ARHGEF10: variants seen among roughly 807,000 people sequenced by gnomAD.
The protein encoded by ARHGEF10 is Rho guanine nucleotide exchange factor 10.
A neutral mutation model predicts 147.4 loss-of-function variants in ARHGEF10; 140 were observed. That is an observed-to-expected ratio of 0.95 (90% CI 0.83 to 1.09). ARHGEF10 has a LOEUF of 1.09. ARHGEF10 is among the 50% of genes least tolerant of loss of function. The pLI is 0.00. For synonymous variants in ARHGEF10, 902 were observed against 695.8 expected, an observed-to-expected ratio of 1.30 and a Z score of -4.67; for missense variants, 2,222 against 1,752.7, an observed-to-expected ratio of 1.27 and a Z score of -4.78.
intron 3 of ARHGEF10, among the ~76,000 whole-genome samples, chr8:1,858,328 G>T (rs1200443605): frequency 6.6e-6 from 1 of 151,958 alleles, no homozygotes; most frequent in African/African-American, 2.4e-5. Context: ...CGGACTCGCC[G>T]ATTTTCTCCC....
intron 25 of ARHGEF10, among the ~76,000 whole-genome samples, chr8:1,931,369 C>A (rs1340598606): frequency 6.6e-6 from 1 of 151,806 alleles, no homozygotes; most frequent in African/African-American, 2.4e-5. Flanking sequence ...CCCCTTTTTT[C>A]CCCTGGGTTT....
In ARHGEF10 at chr8:1,866,440, C is replaced by G. The variant is rs189493344; in HGVS notation, c.546-86C>G. 5,147 of 1,045,414 alleles carry G rather than the reference C, an allele frequency of 4.9e-3. 161 individuals are homozygous for G. The East Asian group carries it at 0.07, about 14-fold the overall frequency. 64.8% of individuals were successfully genotyped at this position (1,045,414 alleles called of 1,614,324 possible). On this transcript the variant is annotated intron_variant, in intron 5 of 28. Coordinates refer to ENST00000349830, the MANE Select transcript of ARHGEF10 (RefSeq NM_014629.4). ...ATATTCTGACACACACACACACACA[C>G]ACACACACACTCTGCAGGGCAGTTG...
At chr8:1,872,168 A>G (rs944387892) in intron 7 of ARHGEF10, among the ~76,000 whole-genome samples, 1 of 152,236 alleles carries the variant, frequency 6.6e-6, no homozygotes, top group Non-Finnish European at 1.5e-5. Flanking sequence ...ATAACTTTTT[A>G]TCAAAAAGTT....
At chr8:1,849,976 G>A (rs1466861437) in intron 2 of ARHGEF10, among the ~76,000 whole-genome samples, 11 of 75,264 alleles carry the variant, frequency 1.5e-4, no homozygotes, top group Non-Finnish European at 2.6e-4. Flanking sequence ...GGCGTGGGCC[G>A]GCTGCATGGA....
At chr8:1,949,004 T>C (rs1375177954) in intron 27 of ARHGEF10, among the ~76,000 whole-genome samples, 2 of 138,840 alleles carry the variant, frequency 1.4e-5, no homozygotes, top group African/African-American at 2.8e-5. Flanking sequence ...ATGACGATGC[T>C]CAAATGGGTT....
At position 1,843,392 on chromosome 8, in the gene ARHGEF10, G is replaced by A. The variant is rs550168233; in HGVS notation, c.-8G>A. The A allele has an allele frequency of 3.5e-5, 57 of 1,613,202 alleles. 1 individual carries two copies. In the South Asian group the frequency reaches 5.9e-4, roughly 17 times the overall value. On this transcript the variant is annotated 5_prime_UTR_variant, in exon 2 of 29. Coordinates refer to ENST00000349830, the MANE Select transcript of ARHGEF10 (RefSeq NM_014629.4). ...AACAGAGCTGAGAGAGGCATCTGGA[G>A]CTGCAGCATGGACCAGCGAGAGCCC...
In ARHGEF10 at chr8:1,957,157, G is replaced by A. The variant is rs746087623; in HGVS notation, c.3929G>A (p.Cys1310Tyr). 2 of 1,612,716 alleles carry A rather than the reference G, an allele frequency of 1.2e-6. No homozygotes were observed. The highest frequency in any genetic ancestry group is 2.2e-5 in the East Asian group (1 of 44,882). The change falls in exon 29 of 29, where the codon TGT becomes TAT. Residue 1310 changes from cysteine (C) to tyrosine (Y), a missense_variant. Cys to Tyr is a radical substitution (Grantham distance 194, BLOSUM62 -2). Coordinates refer to ENST00000349830, the MANE Select transcript of ARHGEF10 (RefSeq NM_014629.4). ...KAKASSALVV[C>Y]GGQGHRRVHR... ...AAGGCCAGCTCGGCGCTGGTGGTCT[G>A]TGGAGGGCAGGGCCACCGCCGGGTG...
chr8:1,856,605 G>A (rs1050918813), intron 2 of ARHGEF10, among the ~76,000 whole-genome samples: 1 of 152,248 alleles, frequency 6.6e-6, no homozygotes, highest in Admixed American at 6.5e-5. Context: ...TGCGTGGAGT[G>A]TAAGTGGGTT....
chr8:1,927,231 G>T (rs538595545), intron 23 of ARHGEF10: 1 of 152,900 alleles, frequency 6.5e-6, no homozygotes, highest in Admixed American at 6.5e-5. Flanking sequence ...ACTGTTTTCC[G>T]TCCAGGTAGG....
chr8:1,897,148 G>C lies in ARHGEF10; in HGVS notation c.1557+699G>C, dbSNP rs941443741. Among the ~76,000 whole-genome samples the C allele has an allele frequency of 6.9e-4, 105 of 152,212 alleles. 2 individuals are homozygous for C. The highest frequency in any genetic ancestry group is 2.4e-4 in the Non-Finnish European group (16 of 68,034). On this transcript the variant is annotated intron_variant, in intron 14 of 28. Transcript: ENST00000349830. Reference sequence around the variant, plus strand: ...ATGATAAACCCCGGGGACAAAGTGTGTTCTTGTTACTTGGACTGTTTCTTG... The same window carrying C: ...ATGATAAACCCCGGGGACAAAGTGTCTTCTTGTTACTTGGACTGTTTCTTG...
upstream of ARHGEF10, among the ~76,000 whole-genome samples, chr8:1,823,455 G>T (rs911385431): frequency 3.9e-5 from 6 of 152,036 alleles, no homozygotes; most frequent in African/African-American, 1.4e-4. Flanking sequence ...GTTCTGGGGG[G>T]GGGAGCGTCT....
chr8:1,928,310 G>A, intron 23 of ARHGEF10, 117 bp from the exon 24 acceptor site: 2 of 905,056 alleles, frequency 2.2e-6, no homozygotes, highest in Non-Finnish European at 3.6e-6. Context: ...TTTTTTAAGT[G>A]TGTTGATTCT....
chr8:1,885,575 T>C (rs1345459999), intron 10 of ARHGEF10, 26 bp from the exon 11 acceptor site: 1 of 1,470,928 alleles, frequency 6.8e-7, no homozygotes, highest in East Asian at 2.3e-5. Flanking sequence ...AATGTAAAAT[T>C]CATGCATTTT....
At chr8:1,860,774 C>T (rs1478671235) in intron 4 of ARHGEF10, among the ~76,000 whole-genome samples, 1 of 152,140 alleles carries the variant, frequency 6.6e-6, no homozygotes, top group African/African-American at 2.4e-5. Flanking sequence ...ACTTACTGTG[C>T]TAGATGACAG....
chr8:1,851,086 C>T (rs182109232), intron 2 of ARHGEF10, among the ~76,000 whole-genome samples: 133 of 152,284 alleles, frequency 8.7e-4, no homozygotes, highest in African/African-American at 3.1e-3. Context: ...CACGAAATTC[C>T]TTGATAATGG....
At chr8:1,876,302 C>G in intron 7 of ARHGEF10, 1 of 528,396 alleles carries the variant, frequency 1.9e-6, no homozygotes, top group Non-Finnish European at 3.4e-6. Flanking sequence ...TGCCCATAGC[C>G]AGGTGGTCCT....
At position 1,887,479 on chromosome 8, in the gene ARHGEF10, A is replaced by G. The variant is rs550002176; in HGVS notation, c.1182+1772A>G. On this transcript the variant is annotated intron_variant, in intron 11 of 28. Coordinates refer to ENST00000349830, the MANE Select transcript of ARHGEF10 (RefSeq NM_014629.4). ...TGGGGTGTGAGGGGTCTGTGAGGAG[A>G]CACTGAGTGGGGTGTGAGGGGTCTG... 4.5e-5 allele frequency among the ~76,000 whole-genome samples: 6 copies of G among 132,494 alleles called. No individual in the cohort carries two copies. The East Asian group carries it at 1.3e-3, about 30-fold the overall frequency. 86.9% of individuals were successfully genotyped at this position (132,494 alleles called of 152,430 possible).
Position 1,857,895 on chromosome 8 carries a change from T to G in ARHGEF10, c.38-65T>G, listed in dbSNP as rs796568199. On this transcript the variant is annotated intron_variant, in intron 2 of 28. Transcript: ENST00000349830. ...AGATCGATCGATCTATCTATCTATC[T>G]ATCTATCTATCTATCTATCTATCTA... is the stretch of plus-strand genomic sequence containing the variant. The G allele has an allele frequency of 5.5e-5, 62 of 1,132,162 alleles. No homozygotes were observed. The Admixed American group carries it at 8.7e-4, about 16-fold the overall frequency. 70.1% of individuals were successfully genotyped at this position (1,132,162 alleles called of 1,614,324 possible).
chr8:1,842,060 TGGGGCCGCGGCGGGAACTGGGGCCG>T (rs1804132349), intron 1 of ARHGEF10, among the ~76,000 whole-genome samples: 1 of 129,118 alleles, frequency 7.7e-6, no homozygotes, highest in Non-Finnish European at 1.7e-5. Context: ...CGGCGGGAAC[TGGGGCCGCGGCGGGAACTGGGGCCG>T]CGAGGCGCCG....
Sources: allele counts gnomAD v4.1 joint callset (sites outside exome capture counted in the v4.1 genomes callset), GRCh38; gene constraint gnomAD v4.1.1; transcripts MANE v1.5; gene names NCBI Gene and HGNC (gene_info 2026-07-23, HGNC 2026-07-21).